The following SGCZ variants were observed in gnomAD, a reference collection of about 807,000 sequenced individuals.
SGCZ encodes sarcoglycan zeta, also known as zeta-sarcoglycan.
In SGCZ, 40 loss-of-function variants were observed where a neutral mutation model predicts 41.3. The ratio of observed to expected loss-of-function variants is 0.97; its 90% CI spans 0.75 to 1.26. The LOEUF (loss-of-function observed/expected upper bound fraction) is 1.26. Among genes scored for constraint, SGCZ ranks in the 50% most tolerant of loss-of-function variants. The pLI, the probability that SGCZ is intolerant of heterozygous loss-of-function variation, is 0.00. For synonymous variants in SGCZ, 206 were observed against 137.5 expected, an observed-to-expected ratio of 1.50 and a Z score of -3.49; for missense variants, 552 against 369.8, an observed-to-expected ratio of 1.49 and a Z score of -4.04.
intron 1 of SGCZ, among the ~76,000 whole-genome samples, chr8:14,570,326 A>T (rs1804512729): frequency 6.6e-6 from 1 of 152,182 alleles, no homozygotes; most frequent in Non-Finnish European, 1.5e-5. Context: ...TCTTTGAGGT[A>T]AGTCTTCCTC....
intron 1 of SGCZ, among the ~76,000 whole-genome samples, chr8:14,649,309 A>T (rs1456263396): frequency 6.6e-6 from 1 of 152,118 alleles, no homozygotes. Context: ...AACTAAGTAT[A>T]TCCATGACAT....
chr8:15,174,391 C>T (rs1414705635), intron 1 of SGCZ, among the ~76,000 whole-genome samples: 2 of 152,090 alleles, frequency 1.3e-5, no homozygotes, highest in African/African-American at 2.4e-5. Flanking sequence ...TTGTATATAA[C>T]CCCAGAGGCA....
At chr8:14,427,480 A>G (rs1429389885) in intron 2 of SGCZ, among the ~76,000 whole-genome samples, 1 of 152,102 alleles carries the variant, frequency 6.6e-6, no homozygotes, top group Non-Finnish European at 1.5e-5. Flanking sequence ...TTCTCCCGGT[A>G]TATTTTAGGG....
intron 1 of SGCZ, among the ~76,000 whole-genome samples, chr8:14,961,484 G>C (rs979567996): frequency 5.3e-5 from 8 of 152,162 alleles, no homozygotes; most frequent in Non-Finnish European, 1.2e-4. Flanking sequence ...TTTTGAGAGA[G>C]AGAGAGAGAT....
At chr8:15,159,730 C>CT (rs1799448832) in intron 1 of SGCZ, among the ~76,000 whole-genome samples, 1 of 31,796 alleles carries the variant, frequency 3.1e-5, no homozygotes, top group East Asian at 1.5e-3. Context: ...CCCTCGCCCC[C>CT]GCCCCCCCCA....
intron 1 of SGCZ, among the ~76,000 whole-genome samples, chr8:14,708,162 T>G (rs1357577905): frequency 6.6e-6 from 1 of 151,946 alleles, no homozygotes; most frequent in Non-Finnish European, 1.5e-5. Flanking sequence ...AATTAGACTT[T>G]CAATTTTCAT....
chr8:14,208,306 T>C (rs915096844), intron 4 of SGCZ, among the ~76,000 whole-genome samples: 1 of 152,202 alleles, frequency 6.6e-6, no homozygotes, highest in Non-Finnish European at 1.5e-5. Flanking sequence ...ATCAGTTAGT[T>C]GAAACATTAA....
At chr8:14,111,111 T>C (rs1049546610) in intron 5 of SGCZ, among the ~76,000 whole-genome samples, 2 of 152,056 alleles carry the variant, frequency 1.3e-5, no homozygotes, top group Non-Finnish European at 2.9e-5. Flanking sequence ...CTCTCAAGAA[T>C]TGAAAATTTT....
intron 1 of SGCZ, among the ~76,000 whole-genome samples, chr8:14,689,564 T>G (rs1165583938): frequency 6.6e-6 from 1 of 152,178 alleles, no homozygotes; most frequent in African/African-American, 2.4e-5. Flanking sequence ...TTGTTATTAC[T>G]AACATAATTA....
At chr8:14,420,159 C>T (rs1056284445) in intron 2 of SGCZ, among the ~76,000 whole-genome samples, 7 of 151,956 alleles carry the variant, frequency 4.6e-5, no homozygotes, top group African/African-American at 7.2e-5. Context: ...TATAATAATT[C>T]TATCTGTTTT....
intron 4 of SGCZ, among the ~76,000 whole-genome samples, chr8:14,192,455 T>C (rs1054108435): frequency 1.3e-5 from 2 of 151,908 alleles, no homozygotes; most frequent in East Asian, 3.9e-4. Context: ...GGAAAAGCAA[T>C]ATCCCATTAA....
chr8:14,427,049 TGAA>T (rs1799803678), intron 2 of SGCZ, among the ~76,000 whole-genome samples: 1 of 143,212 alleles, frequency 7.0e-6, no homozygotes, highest in Non-Finnish European at 1.6e-5. Flanking sequence ...AATGAATGAA[TGAA>T]TGAATGAATG....
chr8:14,844,353 G>A (rs961836265), intron 1 of SGCZ, among the ~76,000 whole-genome samples: 7 of 152,064 alleles, frequency 4.6e-5, no homozygotes, highest in Admixed American at 1.3e-4. Context: ...CCTTCCCTAT[G>A]AGAGAATAAT....
At chr8:14,467,667 G>A (rs1457670839) in intron 2 of SGCZ, among the ~76,000 whole-genome samples, 2 of 152,002 alleles carry the variant, frequency 1.3e-5, no homozygotes, top group African/African-American at 4.8e-5. Flanking sequence ...AACAGATTCT[G>A]ACAGTGTAAT....
At chr8:14,761,659 G>A (rs1488035681) in intron 1 of SGCZ, among the ~76,000 whole-genome samples, 1 of 151,482 alleles carries the variant, frequency 6.6e-6, no homozygotes, top group African/African-American at 2.4e-5. Flanking sequence ...GAGATTAGCT[G>A]GGATTACCGG....
At chr8:14,582,362 G>A (rs1184798114) in intron 1 of SGCZ, among the ~76,000 whole-genome samples, 3 of 151,918 alleles carry the variant, frequency 2.0e-5, no homozygotes, top group African/African-American at 4.8e-5. Flanking sequence ...AGGGTCTACT[G>A]CACATTATTA....
At chr8:14,127,548 C>T (rs765147997) in intron 5 of SGCZ, among the ~76,000 whole-genome samples, 16 of 152,092 alleles carry the variant, frequency 1.1e-4, no homozygotes, top group South Asian at 2.1e-4. Flanking sequence ...CTCCGCCTCC[C>T]GGGTTCATGC....
chr8:15,230,912 G>T (rs1801919433), intron 1 of SGCZ, among the ~76,000 whole-genome samples: 1 of 152,156 alleles, frequency 6.6e-6, no homozygotes, highest in Non-Finnish European at 1.5e-5. Flanking sequence ...AGAATCCCTT[G>T]GCCAAGAAGG....
intron 1 of SGCZ, among the ~76,000 whole-genome samples, chr8:14,650,370 C>G (rs57739051): frequency 0.23 from 35,086 of 151,836 alleles, 4,279 homozygotes; most frequent in Admixed American, 0.27. Flanking sequence ...TGTATTTTAG[C>G]TTCAGGGTTA....
Sources: allele counts gnomAD v4.1 joint callset (sites outside exome capture counted in the v4.1 genomes callset), GRCh38; gene constraint gnomAD v4.1.1; transcripts MANE v1.5; gene names NCBI Gene and HGNC (gene_info 2026-07-23, HGNC 2026-07-21).